PAX3: variants seen among roughly 807,000 people sequenced by gnomAD.
PAX3 encodes the protein paired box protein Pax-3.
PAX3 carries 14 observed loss-of-function variants against 51.6 expected under a neutral mutation model. The observed-to-expected ratio is 0.27, with a 90% CI of 0.18 to 0.42. The LOEUF is 0.42. PAX3 is among the 10% of genes least tolerant of loss of function. The probability of loss-of-function intolerance (pLI) is 1.00; values close to 1 mark genes in which losing one functional copy is unlikely to be tolerated. For synonymous variants in PAX3, 280 were observed against 253.4 expected, an observed-to-expected ratio of 1.11 and a Z score of -1.00; for missense variants, 540 against 642.8, an observed-to-expected ratio of 0.84 and a Z score of 1.73.
chr2:222,209,484 A>G (rs1325680680), intron 7 of PAX3, among the ~76,000 whole-genome samples: 1 of 152,062 alleles, frequency 6.6e-6, no homozygotes, highest in Non-Finnish European at 1.5e-5. Flanking sequence ...CAAAAGTCTA[A>G]GAATGAACAT....
chr2:222,287,154 T>A (rs1694860899), intron 4 of PAX3, among the ~76,000 whole-genome samples: 1 of 152,236 alleles, frequency 6.6e-6, no homozygotes, highest in East Asian at 1.9e-4. Flanking sequence ...CTGAGTTGTG[T>A]CTTGCTCTAC....
intron 4 of PAX3, among the ~76,000 whole-genome samples, chr2:222,258,604 C>T (rs1217550790): frequency 6.6e-6 from 1 of 152,110 alleles, no homozygotes; most frequent in Non-Finnish European, 1.5e-5. Context: ...ATGCCTTGTT[C>T]CTTTTAAGAA....
At chr2:222,290,026 A>G (rs1024849561) in intron 4 of PAX3, among the ~76,000 whole-genome samples, 2 of 152,120 alleles carry the variant, frequency 1.3e-5, no homozygotes, top group Admixed American at 6.5e-5. Context: ...AATGATTTTA[A>G]TCTATGGGAA....
intron 5 of PAX3, among the ~76,000 whole-genome samples, chr2:222,224,365 A>C (rs1692304250): frequency 6.6e-6 from 1 of 152,206 alleles, no homozygotes; most frequent in South Asian, 2.1e-4. Flanking sequence ...TAAGAGAACC[A>C]GGGCTTAGTG....
chr2:222,281,366 C>T (rs1378756019), intron 4 of PAX3, among the ~76,000 whole-genome samples: 1 of 152,156 alleles, frequency 6.6e-6, no homozygotes, highest in Admixed American at 6.5e-5. Context: ...ATTTATGTTC[C>T]ACTTCCTATT....
chr2:222,261,285 G>A (rs910458170), intron 4 of PAX3, among the ~76,000 whole-genome samples: 9 of 152,156 alleles, frequency 5.9e-5, no homozygotes, highest in Non-Finnish European at 1.3e-4. Context: ...AGCCAAATTT[G>A]AGGCTCACTT....
At chr2:222,219,924 A>T (rs1309279344) in intron 7 of PAX3, among the ~76,000 whole-genome samples, 1 of 152,236 alleles carries the variant, frequency 6.6e-6, no homozygotes, top group Non-Finnish European at 1.5e-5. Context: ...CCAAGATTAT[A>T]TCAAAAATCA....
intron 4 of PAX3, among the ~76,000 whole-genome samples, chr2:222,259,487 T>A (rs769115414): frequency 1.1e-4 from 16 of 152,182 alleles, no homozygotes; most frequent in Non-Finnish European, 2.4e-4. Context: ...CCAATCAACA[T>A]CTATTAAGAA....
At chr2:222,220,836 A>G (rs1692165729) in intron 6 of PAX3, among the ~76,000 whole-genome samples, 1 of 152,244 alleles carries the variant, frequency 6.6e-6, no homozygotes, top group South Asian at 2.1e-4. Flanking sequence ...TGTGCTAACA[A>G]ATAATGACTT....
At chr2:222,207,079 A>G (rs1025392066) in intron 7 of PAX3, among the ~76,000 whole-genome samples, 1 of 152,144 alleles carries the variant, frequency 6.6e-6, no homozygotes, top group Non-Finnish European at 1.5e-5. Context: ...CCAAAAATCT[A>G]CTGACTATAT....
At chr2:222,290,266 T>C (rs573196571) in intron 4 of PAX3, among the ~76,000 whole-genome samples, 186 of 152,334 alleles carry the variant, frequency 1.2e-3, no homozygotes, top group African/African-American at 4.4e-3. Context: ...AAAGCTGAAG[T>C]CGTCCTCGTT....
At chr2:222,274,207 C>G (rs568638626) in intron 4 of PAX3, among the ~76,000 whole-genome samples, 1 of 152,252 alleles carries the variant, frequency 6.6e-6, no homozygotes, top group Admixed American at 6.5e-5. Context: ...AACAGAGTCT[C>G]TAAGCCCTGT....
chr2:222,242,152 C>A (rs1428058039), intron 4 of PAX3, among the ~76,000 whole-genome samples: 1 of 152,046 alleles, frequency 6.6e-6, no homozygotes, highest in African/African-American at 2.4e-5. Flanking sequence ...GGGGATTTCG[C>A]TTATGTTTTT....
chr2:222,291,310 T>C (rs945957087), intron 4 of PAX3, among the ~76,000 whole-genome samples: 1 of 152,136 alleles, frequency 6.6e-6, no homozygotes, highest in Non-Finnish European at 1.5e-5. Flanking sequence ...TTCGTGTTAG[T>C]GAACCGCCCA....
chr2:222,255,813 ACT>A (rs1693616957), intron 4 of PAX3, among the ~76,000 whole-genome samples: 1 of 135,402 alleles, frequency 7.4e-6, no homozygotes, highest in Non-Finnish European at 1.5e-5. Flanking sequence ...ACAGAGTCTC[ACT>A]CTGTCGCCCA....
chr2:222,213,163 C>G (rs1691814557), intron 7 of PAX3, among the ~76,000 whole-genome samples: 1 of 152,128 alleles, frequency 6.6e-6, no homozygotes, highest in South Asian at 2.1e-4. Flanking sequence ...GCTACATTCT[C>G]CCTTTCTTTA....
intron 5 of PAX3, among the ~76,000 whole-genome samples, chr2:222,222,309 G>T (rs1022345374): frequency 6.6e-6 from 1 of 151,960 alleles, no homozygotes; most frequent in Non-Finnish European, 1.5e-5. Flanking sequence ...AACTTGGGGT[G>T]ATTTTTCCAC....
intron 4 of PAX3, among the ~76,000 whole-genome samples, chr2:222,239,951 C>G (rs1441750646): frequency 1.3e-5 from 2 of 152,070 alleles, no homozygotes; most frequent in African/African-American, 4.8e-5. Context: ...CCCAGCAGTC[C>G]CCTATTTTTT....
At chr2:222,285,866 T>C (rs564369232) in intron 4 of PAX3, among the ~76,000 whole-genome samples, 1 of 152,344 alleles carries the variant, frequency 6.6e-6, no homozygotes, top group East Asian at 1.9e-4. Flanking sequence ...AAATCAGTGG[T>C]ATTTCCTCTC....
Sources: allele counts gnomAD v4.1 joint callset (sites outside exome capture counted in the v4.1 genomes callset), GRCh38; gene constraint gnomAD v4.1.1; transcripts MANE v1.5; gene names NCBI Gene and HGNC (gene_info 2026-07-23, HGNC 2026-07-21).